Variants in PLA2G4F observed in about 807,000 individuals in gnomAD.
The protein encoded by PLA2G4F is cytosolic phospholipase A2 zeta.
A neutral mutation model predicts 103.1 loss-of-function variants in PLA2G4F; 105 were observed. The observed-to-expected ratio is 1.02, with a 90% CI of 0.87 to 1.20. The LOEUF (loss-of-function observed/expected upper bound fraction) is 1.20. Ranked by LOEUF, PLA2G4F falls within the 50% of genes most tolerant of loss-of-function variation. The probability of loss-of-function intolerance (pLI) is 0.00; values close to 1 mark genes in which losing one functional copy is unlikely to be tolerated. For missense variants in PLA2G4F, 1,155 were observed against 1,075.9 expected (o/e 1.07, Z -1.03); for synonymous variants, 468 against 441.1 (o/e 1.06, Z -0.76).
intron 2 of PLA2G4F, 54 bp downstream of exon 2, chr15:42,155,463 C>T: frequency 6.3e-7 from 1 of 1,583,380 alleles, no homozygotes; most frequent in Non-Finnish European, 8.7e-7. Flanking sequence ...GAGCTGAGCT[C>T]TGAGGAAGCC....
chr15:42,154,146 C>T lies in PLA2G4F; in HGVS notation c.396G>A (p.Leu132=), dbSNP rs2048987834. ...SDQLSLLLFD[L]RSLKCGQPHK... ...GAGGTTGGCCACACTTGAGGCTTCT[C>T]AGGTCAAACAGGAGCAGAGAGAGCT... is the stretch of plus-strand genomic sequence containing the variant. The change falls in exon 4 of 20, where the codon CTG becomes CTA. Residue 132 remains leucine, a synonymous_variant. Coordinates refer to ENST00000397272, the MANE Select transcript of PLA2G4F (RefSeq NM_213600.4). The T allele has an allele frequency of 2.5e-6, 4 of 1,614,080 alleles. No individual in the cohort carries two copies. The highest frequency in any genetic ancestry group is 8.5e-7 in the Non-Finnish European group (1 of 1,180,046).
chr15:42,144,314 G>A, intron 17 of PLA2G4F, 136 bp downstream of exon 17: 2 of 1,392,954 alleles, frequency 1.4e-6, no homozygotes, highest in Non-Finnish European at 9.8e-7. Flanking sequence ...GCAGTATTTA[G>A]AGTCGCTCCG....
In PLA2G4F at chr15:42,141,849, T is replaced by C. The variant is rs1418107545; in HGVS notation, c.*135A>G. On this transcript the variant is annotated 3_prime_UTR_variant, in exon 20 of 20. Coordinates refer to ENST00000397272, the MANE Select transcript of PLA2G4F (RefSeq NM_213600.4). ...AATTCTGCAAGAGCTTTCCGGGGCC[T>C]GGGGCACCTCGAGGCAGGTCCTGGA... 1.0e-5 allele frequency: 9 copies of C among 902,632 alleles called. No individual in the cohort carries two copies. In the African/African-American group the frequency reaches 1.0e-4, roughly 10 times the overall value. The allele number at this position is 902,632 out of a possible 1,614,324, so 55.9% of individuals were successfully genotyped here. A position where few individuals can be genotyped will look rare whatever the true frequency, so the allele number is the denominator to read the frequency against.
chr15:42,154,059 A>C (rs1399898615), intron 4 of PLA2G4F, 33 bp downstream of exon 4: 19 of 1,613,352 alleles, frequency 1.2e-5, no homozygotes, highest in Non-Finnish European at 1.6e-5. Flanking sequence ...CCCCTCCTCC[A>C]GCTGGGCTCT....
At chr15:42,142,233 C>T in intron 19 of PLA2G4F, 29 bp from the exon 20 acceptor site, 1 of 1,575,064 alleles carries the variant, frequency 6.3e-7, no homozygotes, top group South Asian at 1.2e-5. Flanking sequence ...GAGGAGAGGC[C>T]AGGATGGAGC....
intron 14 of PLA2G4F, 48 bp downstream of exon 14, chr15:42,146,079 T>G: frequency 6.2e-7 from 1 of 1,603,110 alleles, no homozygotes; most frequent in Non-Finnish European, 8.5e-7. Context: ...TCTCACCTCC[T>G]CCTCCCCACC....
Position 42,152,770 on chromosome 15 carries a change from G to C in PLA2G4F, c.535-16C>G. On this transcript the variant is annotated splice_polypyrimidine_tract_variant and intron_variant, in intron 6 of 19. Coordinates refer to ENST00000397272, the MANE Select transcript of PLA2G4F (RefSeq NM_213600.4). ...AGGGGTGAGCCTGAGGAAAGCAGAG[G>C]CCTGTAGGAGCCAGACAGCCCACGG... The C allele has an allele frequency of 6.4e-7, 1 of 1,552,454 alleles. No homozygotes were observed. The highest frequency in any genetic ancestry group is 8.7e-7 in the Non-Finnish European group (1 of 1,147,360).
rs1261030975 is a variant in PLA2G4F, at chr15:42,154,107, G to A, written c.435C>T (p.Phe145=). The change falls in exon 4 of 20, where the codon TTC becomes TTT. Residue 145 remains phenylalanine, a synonymous_variant. Coordinates refer to ENST00000397272, the MANE Select transcript of PLA2G4F (RefSeq NM_213600.4). ...GTGGGCTCACCTGGTGGTTGAGTGG[G>A]AAGGTGTGTTTGTGAGGTTGGCCAC... The part of the protein sequence containing the change: ...LKCGQPHKHT[F]PLNHQDSQEL... The A allele has an allele frequency of 6.2e-7, 1 of 1,614,204 alleles. No homozygotes were observed. Among genetic ancestry groups the A allele is most frequent in the Non-Finnish European group, 8.5e-7 (1 of 1,180,028 alleles).
Position 42,142,119 on chromosome 15 carries a change from G to A in PLA2G4F, c.2415C>T (p.Phe805=). ...RPDTPYGMMN[F]TYEPQDFYRL... ...GATAAAAGTCCTGGGGCTCATAGGTGAAGTTCATCATGCCATAGGGGGTGT... is the reference window on the plus strand; with the variant it reads ...GATAAAAGTCCTGGGGCTCATAGGTAAAGTTCATCATGCCATAGGGGGTGT... Residue 805 remains phenylalanine (F), a synonymous_variant, in exon 20 of 20, where the codon TTC becomes TTT. Coordinates refer to ENST00000397272, the MANE Select transcript of PLA2G4F (RefSeq NM_213600.4). The A allele has an allele frequency of 1.2e-6, 2 of 1,614,238 alleles. No individual in the cohort carries two copies. The highest frequency in any genetic ancestry group is 8.5e-7 in the Non-Finnish European group (1 of 1,180,026).
chr15:42,153,480 A>T (rs2048980199), intron 5 of PLA2G4F, 138 bp from the exon 6 acceptor site: 2 of 1,463,024 alleles, frequency 1.4e-6, no homozygotes, highest in East Asian at 4.6e-5. Context: ...GCCGCCCAAC[A>T]TGCAGATGGG....
chr15:42,146,218 G>A lies in PLA2G4F; in HGVS notation c.1443C>T (p.Asp481=). ...GACCCTGGCGGACCGCCTCCTGTTG[G>A]TCAGACAGCTTGGCAGGGTTCTCCT... ...YQEENPAKLS[D]QQEAVRQGQN... The change falls in exon 14 of 20, where the codon GAC becomes GAT. Residue 481 remains aspartate (D), a synonymous_variant. Transcript: ENST00000397272. The A allele has an allele frequency of 6.2e-7, 1 of 1,614,250 alleles. No homozygotes were observed. The highest frequency in any genetic ancestry group is 8.5e-7 in the Non-Finnish European group (1 of 1,180,036).
chr15:42,151,474 C>G (rs889277663), intron 7 of PLA2G4F: 17 of 985,118 alleles, frequency 1.7e-5, no homozygotes, highest in Admixed American at 1.2e-4. Flanking sequence ...CACATGACAT[C>G]CGGGCAGAGG....
intron 7 of PLA2G4F, among the ~76,000 whole-genome samples, chr15:42,152,029 T>G (rs1301345877): frequency 6.6e-6 from 1 of 152,242 alleles, no homozygotes; most frequent in African/African-American, 2.4e-5. Context: ...GGGCCTTTGC[T>G]GTCACACAGC....
intron 7 of PLA2G4F, chr15:42,151,528 A>G: frequency 3.0e-6 from 3 of 985,310 alleles, no homozygotes; most frequent in Non-Finnish European, 3.6e-6. Context: ...CTAACACAAC[A>G]TGGAAGCAAC....
chr15:42,143,176 T>TTAA lies in PLA2G4F; in HGVS notation c.2143-463_2143-462insTTA, dbSNP rs1434516088. Among the ~76,000 whole-genome samples the TTAA allele has an allele frequency of 4.9e-3, 442 of 89,680 alleles. 23 individuals are homozygous for TTAA. Among genetic ancestry groups the TTAA allele is most frequent in the African/African-American group, 0.012 (238 of 20,368 alleles). 58.8% of individuals were successfully genotyped at this position (89,680 alleles called of 152,430 possible). A position where few individuals can be genotyped will look rare whatever the true frequency, so the allele number is the denominator to read the frequency against. ...CCTGGTGACAGAGTGAGACTCCATC[T>TTAA]AAAAAAAAAAAAAAAAAAAAAAAAA... On this transcript the variant is annotated intron_variant, in intron 18 of 19. Transcript: ENST00000397272.
At chr15:42,153,187 C>T in intron 6 of PLA2G4F, 113 bp downstream of exon 6, 1 of 1,276,420 alleles carries the variant, frequency 7.8e-7, no homozygotes. Context: ...CACATCTCCC[C>T]TCCGAGGAGG....
intron 7 of PLA2G4F, 127 bp from the exon 8 acceptor site, chr15:42,150,904 G>T: frequency 4.1e-6 from 6 of 1,473,148 alleles, no homozygotes; most frequent in Non-Finnish European, 5.4e-6. Context: ...AGCTCTTATC[G>T]CCCGCTCTCT....
intron 11 of PLA2G4F, chr15:42,148,789 G>A (rs1296473830): frequency 3.0e-6 from 3 of 985,206 alleles, no homozygotes; most frequent in Non-Finnish European, 3.6e-6. Context: ...ATTCCACTCT[G>A]GATTTTTGTT....
chr15:42,143,375 T>C (rs1326192745), intron 18 of PLA2G4F, among the ~76,000 whole-genome samples: 3 of 152,098 alleles, frequency 2.0e-5, no homozygotes, highest in African/African-American at 7.2e-5. Flanking sequence ...TTTCACAAGG[T>C]TGACATGCGA....
Sources: allele counts gnomAD v4.1 joint callset (sites outside exome capture counted in the v4.1 genomes callset), GRCh38; gene constraint gnomAD v4.1.1; transcripts MANE v1.5; gene names NCBI Gene and HGNC (gene_info 2026-07-23, HGNC 2026-07-21).